Variants in MAST4 observed in about 807,000 individuals in gnomAD.
MAST4 encodes microtubule associated serine/threonine kinase family member 4, also known as microtubule-associated serine/threonine-protein kinase 4.
A neutral mutation model predicts 162.7 loss-of-function variants in MAST4; 89 were observed. The ratio of observed to expected loss-of-function variants is 0.55; its 90% CI spans 0.46 to 0.65. The LOEUF is 0.65. Ranked by LOEUF, MAST4 falls within the 30% of genes least tolerant of loss-of-function variation. The probability of loss-of-function intolerance (pLI) is 0.00; values close to 1 mark genes in which losing one functional copy is unlikely to be tolerated. For synonymous variants in MAST4, 1,479 were observed against 1,361.1 expected (o/e 1.09, Z -1.91); for missense variants, 3,153 against 3,374.0 (o/e 0.93, Z 1.62).
At chr5:66,845,432 A>G (rs1305507041) in intron 3 of MAST4, among the ~76,000 whole-genome samples, 4 of 151,922 alleles carry the variant, frequency 2.6e-5, no homozygotes, top group African/African-American at 7.3e-5. Flanking sequence ...TGTCGCTACA[A>G]AGGACATGAA....
intron 11 of MAST4, among the ~76,000 whole-genome samples, chr5:67,110,514 G>A (rs958223372): frequency 6.6e-6 from 1 of 152,158 alleles, no homozygotes; most frequent in Non-Finnish European, 1.5e-5. Context: ...TAAAACCCTG[G>A]CTGTACCACA....
chr5:67,066,203 A>C (rs1760210614), intron 5 of MAST4, among the ~76,000 whole-genome samples: 1 of 152,134 alleles, frequency 6.6e-6, no homozygotes, highest in Admixed American at 6.5e-5. Context: ...TTCAGTGTAG[A>C]AAACTTGGAA....
intron 3 of MAST4, among the ~76,000 whole-genome samples, chr5:66,799,383 G>A (rs914702510): frequency 6.6e-6 from 1 of 152,098 alleles, no homozygotes; most frequent in Non-Finnish European, 1.5e-5. Flanking sequence ...AGTAGGACTG[G>A]AAGCATCTCT....
At chr5:66,859,839 C>T (rs1041956234) in intron 3 of MAST4, among the ~76,000 whole-genome samples, 4 of 152,200 alleles carry the variant, frequency 2.6e-5, no homozygotes, top group East Asian at 1.9e-4. Flanking sequence ...GGCCCATCAT[C>T]CTAAAAGTTA....
chr5:67,094,246 ATTTGCATTT>A (rs1764183302), intron 6 of MAST4: 10 of 899,156 alleles, frequency 1.1e-5, no homozygotes. Flanking sequence ...TTTGTGGACC[ATTTGCATTT>A]ATTGGAGGTT....
chr5:66,769,637 AG>A (rs1024991876), intron 2 of MAST4, among the ~76,000 whole-genome samples: 7 of 152,210 alleles, frequency 4.6e-5, no homozygotes, highest in African/African-American at 1.7e-4. Flanking sequence ...ATGTAACATA[AG>A]TATTTATGTA....
At chr5:67,041,690 G>A (rs966695910) in intron 4 of MAST4, among the ~76,000 whole-genome samples, 5 of 152,200 alleles carry the variant, frequency 3.3e-5, no homozygotes, top group South Asian at 2.1e-4. Context: ...GTGCAGTGGT[G>A]CGATCTCAGC....
intron 5 of MAST4, among the ~76,000 whole-genome samples, chr5:67,087,821 A>C (rs1486226560): frequency 1.3e-5 from 2 of 152,210 alleles, no homozygotes; most frequent in African/African-American, 4.8e-5. Context: ...GATTAGTAAG[A>C]TAGAACTAAC....
chr5:66,976,872 A>C (rs1748202282), intron 4 of MAST4, among the ~76,000 whole-genome samples: 1 of 151,434 alleles, frequency 6.6e-6, no homozygotes, highest in Non-Finnish European at 1.5e-5. Flanking sequence ...TACCCTTTTT[A>C]ACACTTCTAG....
At chr5:66,972,041 A>G (rs1404778574) in intron 4 of MAST4, among the ~76,000 whole-genome samples, 1 of 152,218 alleles carries the variant, frequency 6.6e-6, no homozygotes, top group African/African-American at 2.4e-5. Flanking sequence ...AGTAACATAG[A>G]TAATAATGCC....
At chr5:66,904,481 A>G (rs1763213742) in intron 4 of MAST4, among the ~76,000 whole-genome samples, 1 of 152,180 alleles carries the variant, frequency 6.6e-6, no homozygotes, top group Non-Finnish European at 1.5e-5. Context: ...CTTAGCAAAT[A>G]GATTCTCCCT....
At chr5:66,928,648 T>C (rs191666797) in intron 4 of MAST4, among the ~76,000 whole-genome samples, 5 of 152,238 alleles carry the variant, frequency 3.3e-5, no homozygotes. Flanking sequence ...TCTCTGAGAA[T>C]GTGGTCTGGT....
chr5:67,164,091 C>G lies in MAST4; in HGVS notation c.4912C>G (p.Arg1638Gly), dbSNP rs767639273. 3 of 1,570,296 alleles carry G rather than the reference C, an allele frequency of 1.9e-6. No individual in the cohort carries two copies. The highest frequency in any genetic ancestry group is 2.6e-6 in the Non-Finnish European group (3 of 1,157,232). The change falls in exon 29 of 29, where the codon CGG becomes GGG. Residue 1638 changes from arginine (R) to glycine (G), a missense_variant. Physicochemically the swap from Arg to Gly is moderately radical, Grantham distance 125. Coordinates refer to ENST00000403625, the MANE Select transcript of MAST4 (RefSeq NM_001164664.2). The surrounding 1 kb of genome is among the most constrained non-coding windows in gnomAD (Gnocchi z 5.3). ...EHRQGGGDFR[R>G]APAPGTLQDG... is the part of the protein sequence containing the mutation. ...CCGCCAGGGTGGCGGGGACTTCAGA[C>G]GGGCCCCCGCTCCTGGCACCCTCCA...
intron 1 of MAST4, among the ~76,000 whole-genome samples, chr5:66,600,558 A>G (rs1012639863): frequency 6.6e-6 from 1 of 152,252 alleles, no homozygotes; most frequent in East Asian, 1.9e-4. Flanking sequence ...CTCAGTAAAT[A>G]TATGTTGAAT....
intron 1 of MAST4, among the ~76,000 whole-genome samples, chr5:66,624,511 C>T (rs1299546309): frequency 6.7e-6 from 1 of 149,660 alleles, no homozygotes; most frequent in Non-Finnish European, 1.5e-5. Context: ...ATCAAACTCT[C>T]AATGGTATCT....
rs748340570 is a variant in MAST4 at position 67,165,990 on chromosome 5, C to T, written c.6811C>T (p.Pro2271Ser). The T allele has an allele frequency of 6.2e-7, 1 of 1,613,556 alleles. No homozygotes were observed. The change falls in exon 29 of 29, where the codon CCC becomes TCC. Residue 2271 changes from proline (P) to serine (S), a missense_variant. Coordinates refer to ENST00000403625, the MANE Select transcript of MAST4 (RefSeq NM_001164664.2). The stretch of plus-strand genomic sequence containing the variant: ...TGGGATTGGCCAGGGAGAAGGTGGG[C>T]CCTCTGTCCCACTGCACACTGACAG... ...SDGIGQGEGG[P>S]SVPLHTDRAP...
chr5:66,785,496 C>T (rs72761246), intron 2 of MAST4, among the ~76,000 whole-genome samples: 2 of 152,232 alleles, frequency 1.3e-5, no homozygotes, highest in Non-Finnish European at 2.9e-5. Context: ...ATTTGTGTAG[C>T]TGTATCCTCT....
chr5:66,681,925 G>T (rs185053983), intron 1 of MAST4, among the ~76,000 whole-genome samples: 42 of 152,278 alleles, frequency 2.8e-4, no homozygotes, highest in Middle Eastern at 3.4e-3. Context: ...GGCTTATTTG[G>T]GGGGTGGGTG....
chr5:66,936,037 T>A (rs1742712289), intron 4 of MAST4, among the ~76,000 whole-genome samples: 1 of 152,160 alleles, frequency 6.6e-6, no homozygotes, highest in South Asian at 2.1e-4. Flanking sequence ...AGGCCCAGAA[T>A]GATTATTTAG....
Sources: gnomAD v4.1 joint callset for allele counts (sites outside exome capture counted in the v4.1 genomes callset) on GRCh38, gnomAD v4.1.1 for gene constraint, Gnocchi (gnomAD v3.1) non-coding constraint, MANE v1.5 for transcripts, NCBI Gene and HGNC (gene_info 2026-07-23, HGNC 2026-07-21) for gene names.